PACS1: variants seen among roughly 807,000 people sequenced by gnomAD.
The protein encoded by PACS1 is phosphofurin acidic cluster sorting protein 1, also known as PACS-1.
A neutral mutation model predicts 115.0 loss-of-function variants in PACS1; 24 were observed. The observed-to-expected ratio is 0.21, with a 90% CI of 0.15 to 0.29. PACS1 has a LOEUF of 0.29. PACS1 is among the 10% of genes least tolerant of loss of function. PACS1 has a pLI of 1.00. For missense variants in PACS1, 838 were observed against 1,251.2 expected, an observed-to-expected ratio of 0.67 and a Z score of 4.98; for synonymous variants, 453 against 504.5, an observed-to-expected ratio of 0.90 and a Z score of 1.37.
rs974232729 is a variant in PACS1, at chr11:66,236,960, C to A, written c.2250+1020C>A. On this transcript the variant is annotated intron_variant, in intron 19 of 23. Coordinates refer to ENST00000320580, the MANE Select transcript of PACS1 (RefSeq NM_018026.4). This position sits in a 1 kb window ranked among gnomAD's most constrained non-coding sequence, Gnocchi z 4.2. Reference sequence around the variant, plus strand: ...TTTGAGACAGAGTCTCACTCTGTTGCCAGGCGGGAGTGCAGTGGCGCGATC... The same window carrying A: ...TTTGAGACAGAGTCTCACTCTGTTGACAGGCGGGAGTGCAGTGGCGCGATC... 6.6e-6 allele frequency among the ~76,000 whole-genome samples: 1 copy of A among 152,074 alleles called. No homozygotes were observed. Among genetic ancestry groups the A allele is most frequent in the African/African-American group, 2.4e-5 (1 of 41,402 alleles).
intron 4 of PACS1, among the ~76,000 whole-genome samples, chr11:66,214,628 T>TG (rs1209893231): frequency 1.5e-4 from 22 of 145,098 alleles, no homozygotes; most frequent in African/African-American, 5.6e-4. Flanking sequence ...TTCTTTTTTT[T>TG]TTTTTTTTCC....
rs1858133039 is a variant in PACS1, at chr11:66,109,365, A to G, written c.356+38523A>G. Among the ~76,000 whole-genome samples, 5 of 152,272 alleles carry G rather than the reference A, an allele frequency of 3.3e-5. No individual in the cohort carries two copies. In the South Asian group the frequency reaches 1.0e-3, roughly 32 times the overall value. Reference sequence around the variant, plus strand: ...TTGAGCCAAGGAGTTTGAGACCAGCATGGGCAACATAGTGAGACCCCATCT... The same window carrying G: ...TTGAGCCAAGGAGTTTGAGACCAGCGTGGGCAACATAGTGAGACCCCATCT... On this transcript the variant is annotated intron_variant, in intron 1 of 23. Coordinates refer to ENST00000320580, the MANE Select transcript of PACS1 (RefSeq NM_018026.4).
intron 10 of PACS1, 77 bp from the exon 11 acceptor site, chr11:66,227,427 T>C: frequency 1.2e-6 from 1 of 814,636 alleles, no homozygotes. Flanking sequence ...TATTTTAAGC[T>C]TCATAGGGAC....
chr11:66,105,346 C>T (rs1590747592), intron 1 of PACS1, among the ~76,000 whole-genome samples: 3 of 152,080 alleles, frequency 2.0e-5, no homozygotes, highest in South Asian at 4.1e-4. Flanking sequence ...TCGCTTGAAC[C>T]GGGGAGGCAG....
At chr11:66,103,203 A>G (rs1396188162) in intron 1 of PACS1, among the ~76,000 whole-genome samples, 3 of 152,190 alleles carry the variant, frequency 2.0e-5, no homozygotes, top group African/African-American at 7.2e-5. Flanking sequence ...GATTAGGGGA[A>G]GTGAGTGAAA....
chr11:66,087,778 C>T (rs960122228), intron 1 of PACS1, among the ~76,000 whole-genome samples: 2 of 152,164 alleles, frequency 1.3e-5, no homozygotes, highest in African/African-American at 2.4e-5. Flanking sequence ...CCAAAGCACT[C>T]ATTTCTCTGC....
At chr11:66,190,988 A>G (rs1854507417) in intron 1 of PACS1, among the ~76,000 whole-genome samples, 1 of 152,208 alleles carries the variant, frequency 6.6e-6, no homozygotes, top group Non-Finnish European at 1.5e-5. Context: ...TGCTGTGACG[A>G]GTGGCCACAA....
Position 66,153,127 on chromosome 11 carries a change from G to GT in PACS1, c.357-40350dup, listed in dbSNP as rs556714749. Among the ~76,000 whole-genome samples, 813 of 151,030 alleles carry GT rather than the reference G, an allele frequency of 5.4e-3. 7 individuals are homozygous for GT. The highest frequency in any genetic ancestry group is 0.016 in the African/African-American group (641 of 41,176). ...TCTAATTTCTTTAAGATACATATGT[G>GT]TTTTTTTTTGAGATGGGGGTCTCAC... On this transcript the variant is annotated intron_variant, in intron 1 of 23. Coordinates refer to ENST00000320580, the MANE Select transcript of PACS1 (RefSeq NM_018026.4).
intron 1 of PACS1, among the ~76,000 whole-genome samples, chr11:66,176,757 G>T (rs1056977348): frequency 6.6e-6 from 1 of 152,008 alleles, no homozygotes; most frequent in South Asian, 2.1e-4. Flanking sequence ...CTTTCTTAAA[G>T]AACCAGTTCT....
intron 5 of PACS1, 64 bp from the exon 6 acceptor site, chr11:66,216,456 C>A: frequency 6.7e-7 from 1 of 1,491,196 alleles, no homozygotes; most frequent in Non-Finnish European, 9.4e-7. Flanking sequence ...GATTCCAGCC[C>A]ATCGAAGTTT....
In PACS1 at chr11:66,234,129, C is replaced by T; in HGVS notation, c.1994-3C>T. On this transcript the variant is annotated splice_polypyrimidine_tract_variant and splice_region_variant and intron_variant, in intron 16 of 23. Coordinates refer to ENST00000320580, the MANE Select transcript of PACS1 (RefSeq NM_018026.4). ...TCACCACCTCTGGTTTTCCATCTAC[C>T]AGGTTCTCACCCTGTGGCCAAATAC... The T allele has an allele frequency of 6.2e-7, 1 of 1,604,286 alleles. No homozygotes were observed. The highest frequency in any genetic ancestry group is 8.5e-7 in the Non-Finnish European group (1 of 1,171,054).
intron 1 of PACS1, among the ~76,000 whole-genome samples, chr11:66,119,136 C>T (rs982500825): frequency 6.6e-6 from 1 of 152,170 alleles, no homozygotes; most frequent in East Asian, 1.9e-4. Flanking sequence ...CTCTTCTGAC[C>T]GGTAGCGTTA....
Position 66,168,740 on chromosome 11 carries a change from GTATA to G in PACS1, c.357-24736_357-24733del, listed in dbSNP as rs34653629. ...CTTATTTTTTGTTGCTTCCTAAATA[GTATA>G]TATATATATGTGTGTGTGTGTGTGT... On this transcript the variant is annotated intron_variant, in intron 1 of 23. Transcript: ENST00000320580. Among the ~76,000 whole-genome samples, 2 of 142,988 alleles carry G rather than the reference GTATA, an allele frequency of 1.4e-5. 1 individual carries two copies. The highest frequency in any genetic ancestry group is 5.6e-5 in the African/African-American group (2 of 35,508). The allele number at this position is 142,988 out of a possible 152,430, so 93.8% of individuals were successfully genotyped here.
chr11:66,084,376 A>C (rs1857533956), intron 1 of PACS1: 1 of 152,364 alleles, frequency 6.6e-6, no homozygotes, highest in South Asian at 2.1e-4. Context: ...GAGGTAAAAC[A>C]GGTGATCTCA....
At chr11:66,166,817 C>A (rs917501284) in intron 1 of PACS1, among the ~76,000 whole-genome samples, 1 of 150,208 alleles carries the variant, frequency 6.7e-6, no homozygotes. Flanking sequence ...GTTCTCAGTG[C>A]TTTTATATAT....
At chr11:66,127,316 C>T (rs1043245809) in intron 1 of PACS1, among the ~76,000 whole-genome samples, 8 of 152,288 alleles carry the variant, frequency 5.3e-5, no homozygotes, top group African/African-American at 1.9e-4. Context: ...GCAACCTTCC[C>T]CTGCTTCACC....
chr11:66,074,346 A>T (rs1857359616), intron 1 of PACS1, among the ~76,000 whole-genome samples: 1 of 152,166 alleles, frequency 6.6e-6, no homozygotes, highest in Non-Finnish European at 1.5e-5. Context: ...CCAGTATGGC[A>T]TGGACCGTGG....
chr11:66,116,738 A>C (rs954674424), intron 1 of PACS1, among the ~76,000 whole-genome samples: 4 of 151,864 alleles, frequency 2.6e-5, no homozygotes, highest in African/African-American at 9.7e-5. Flanking sequence ...AAAATACAAG[A>C]TATTAGCCAG....
At chr11:66,243,127 G>A in intron 23 of PACS1, 38 bp from the exon 24 acceptor site, 3 of 1,610,832 alleles carry the variant, frequency 1.9e-6, no homozygotes, top group Middle Eastern at 1.7e-4. Context: ...GAGATGGCCT[G>A]AGCAGTCTGG....
Sources: allele counts gnomAD v4.1 joint callset (sites outside exome capture counted in the v4.1 genomes callset), GRCh38; gene constraint gnomAD v4.1.1; non-coding constraint Gnocchi (gnomAD v3.1); transcripts MANE v1.5; gene names NCBI Gene and HGNC (gene_info 2026-07-23, HGNC 2026-07-21).